Variants in MID1 observed in about 807,000 individuals in gnomAD.
MID1 encodes the protein E3 ubiquitin-protein ligase Midline-1.
In MID1, 7 loss-of-function variants were observed where a neutral mutation model predicts 40.4. That is an observed-to-expected ratio of 0.17 (90% CI 0.10 to 0.33). MID1 has a LOEUF of 0.33. Ranked by LOEUF, MID1 falls within the 10% of genes least tolerant of loss-of-function variation. The pLI, the probability that MID1 is intolerant of heterozygous loss-of-function variation, is 1.00. For missense variants in MID1, 367 were observed against 558.5 expected, an observed-to-expected ratio of 0.66 and a Z score of 3.46; for synonymous variants, 229 against 221.2, an observed-to-expected ratio of 1.04 and a Z score of -0.31.
intron 1 of MID1, among the ~76,000 whole-genome samples, chrX:10,660,348 T>C (rs1339202780): frequency 1.8e-5 from 2 of 112,628 alleles, no homozygotes; most frequent in African/African-American, 6.5e-5. Flanking sequence ...GTTTAAGTCA[T>C]GTAAATGATC....
chrX:10,509,728 G>T (rs1029103636), intron 3 of MID1, among the ~76,000 whole-genome samples: 1 of 112,207 alleles, frequency 8.9e-6, no homozygotes, highest in Admixed American at 9.4e-5. Context: ...CTCAAGAAGG[G>T]TCCTTTCTGC....
chrX:10,760,116 A>G (rs2043666317), intron 1 of MID1, among the ~76,000 whole-genome samples: 1 of 111,862 alleles, frequency 8.9e-6, no homozygotes. Context: ...GTCGATCACA[A>G]ATTACACCTG....
chrX:10,565,002 T>TAA (rs5901437), intron 2 of MID1, among the ~76,000 whole-genome samples: 4 of 77,921 alleles, frequency 5.1e-5, no homozygotes, highest in African/African-American at 1.8e-4. Context: ...AAAAAAGGGG[T>TAA]AAAAAAAAAA....
At chrX:10,459,970 G>T (rs774866896) in intron 7 of MID1, 163 bp from the exon 8 acceptor site, 1 of 551,127 alleles carries the variant, frequency 1.8e-6, no homozygotes, top group African/African-American at 2.3e-5. Flanking sequence ...CGTAGATGTG[G>T]CAGATTGCAT....
intron 3 of MID1, among the ~76,000 whole-genome samples, chrX:10,507,773 A>C (rs1931917303): frequency 8.9e-6 from 1 of 112,710 alleles, no homozygotes; most frequent in African/African-American, 3.2e-5. Context: ...AAAACAAAGA[A>C]GCAAACACTC....
intron 1 of MID1, among the ~76,000 whole-genome samples, chrX:10,829,957 C>G (rs758422888): frequency 8.9e-6 from 1 of 112,197 alleles, no homozygotes; most frequent in East Asian, 2.8e-4. Context: ...TAGCTCTTCT[C>G]CATGTGGCAC....
At chrX:10,614,128 G>A (rs1015286738) in intron 1 of MID1, among the ~76,000 whole-genome samples, 1 of 110,863 alleles carries the variant, frequency 9.0e-6, no homozygotes, top group Non-Finnish European at 1.9e-5. Flanking sequence ...GCAGACAAAC[G>A]AGTAGAAATA....
chrX:10,671,018 C>T (rs1033767263), intron 1 of MID1, among the ~76,000 whole-genome samples: 3 of 111,644 alleles, frequency 2.7e-5, no homozygotes, highest in African/African-American at 6.5e-5. Flanking sequence ...TCCAATTTTG[C>T]CCTGATGTCC....
chrX:10,806,357 C>T (rs955339248), intron 1 of MID1, among the ~76,000 whole-genome samples: 5 of 112,054 alleles, frequency 4.5e-5, no homozygotes, highest in African/African-American at 1.6e-4. Context: ...TTAAGTGTTC[C>T]TACTGCTATT....
chrX:10,576,383 C>T (rs1233126736), intron 1 of MID1, among the ~76,000 whole-genome samples: 3 of 111,748 alleles, frequency 2.7e-5, no homozygotes, highest in African/African-American at 6.5e-5. Flanking sequence ...AGAATCACTT[C>T]GAAGCATGGC....
At chrX:10,825,867 G>A (rs1196693963) in intron 1 of MID1, among the ~76,000 whole-genome samples, 3 of 111,499 alleles carry the variant, frequency 2.7e-5, no homozygotes, top group African/African-American at 9.8e-5. Flanking sequence ...GAATTTGTGG[G>A]TTATAATGGT....
At chrX:10,587,440 G>A (rs140171294) in intron 1 of MID1, among the ~76,000 whole-genome samples, 1,679 of 112,965 alleles carry the variant, frequency 0.015, 13 homozygotes, top group Middle Eastern at 0.023. Context: ...GACAGCCCTC[G>A]GGGGCTGACC....
At chrX:10,800,363 TC>T in intron 1 of MID1, among the ~76,000 whole-genome samples, 1 of 111,712 alleles carries the variant, frequency 9.0e-6, no homozygotes, top group Non-Finnish European at 1.9e-5. Flanking sequence ...AGCACGTTAT[TC>T]CCCAGTCAGG....
At chrX:10,830,229 G>C (rs747678453) in intron 1 of MID1, among the ~76,000 whole-genome samples, 1 of 112,194 alleles carries the variant, frequency 8.9e-6, no homozygotes, top group South Asian at 3.7e-4. Flanking sequence ...CCACCAGTTG[G>C]GAAGCTCTGA....
Position 10,566,807 on chromosome X carries a change from T to C in MID1, c.660+81A>G. On this transcript the variant is annotated intron_variant, in intron 2 of 9. Transcript: ENST00000317552. The stretch of plus-strand genomic sequence containing the variant: ...GTGAGGAGAAAACCTTCACCTGCCA[T>C]GTAGCTAGCAGTGAATACACTTTTT... 3.8e-6 allele frequency: 4 copies of C among 1,052,458 alleles called. No individual in the cohort carries two copies. In the South Asian group the frequency reaches 7.5e-5, roughly 20 times the overall value. The allele number at this position is 1,052,458 out of a possible 1,213,427, so 86.7% of individuals were successfully genotyped here. A position where few individuals can be genotyped will look rare whatever the true frequency, so the allele number is the denominator to read the frequency against.
chrX:10,592,464 A>G (rs1304237411), intron 1 of MID1, among the ~76,000 whole-genome samples: 1 of 109,244 alleles, frequency 9.2e-6, no homozygotes, highest in Non-Finnish European at 1.9e-5. Context: ...GCATTGCTCC[A>G]TTTCTTGAAA....
intron 1 of MID1, among the ~76,000 whole-genome samples, chrX:10,673,907 A>T (rs891105274): frequency 1.8e-5 from 2 of 111,472 alleles, no homozygotes; most frequent in Non-Finnish European, 3.8e-5. Context: ...AGTGTCTGGT[A>T]TATGGTGGAT....
intron 2 of MID1, among the ~76,000 whole-genome samples, chrX:10,550,853 T>C (rs1324728530): frequency 9.0e-6 from 1 of 110,910 alleles, no homozygotes; most frequent in Non-Finnish European, 1.9e-5. Context: ...TAAGCAATTG[T>C]ATATTGCTAA....
At chrX:10,641,897 C>T (rs1445476854) in intron 1 of MID1, among the ~76,000 whole-genome samples, 3 of 111,834 alleles carry the variant, frequency 2.7e-5, no homozygotes, top group Non-Finnish European at 5.6e-5. Flanking sequence ...ATCATATAAA[C>T]AGAACCAAAG....
Sources: allele counts gnomAD v4.1 joint callset (sites outside exome capture counted in the v4.1 genomes callset), GRCh38; gene constraint gnomAD v4.1.1; transcripts MANE v1.5; gene names NCBI Gene and HGNC (gene_info 2026-07-23, HGNC 2026-07-21).